Variants in CSMD1 observed in about 807,000 individuals in gnomAD.
The protein encoded by CSMD1 is CUB and sushi domain-containing protein 1.
In CSMD1, 213 loss-of-function variants were observed where a neutral mutation model predicts 417.5. The observed-to-expected ratio is 0.51, with a 90% confidence interval of 0.46 to 0.57. CSMD1 has a LOEUF of 0.57. CSMD1 is among the 20% of genes least tolerant of loss of function. CSMD1 has a pLI of 0.00. For synonymous variants in CSMD1, 2,862 were observed against 1,736.8 expected, an observed-to-expected ratio of 1.65 and a Z score of -16.11; for missense variants, 6,923 against 4,529.7, an observed-to-expected ratio of 1.53 and a Z score of -15.17.
intron 3 of CSMD1, among the ~76,000 whole-genome samples, chr8:4,047,753 G>A (rs1463053102): frequency 1.3e-5 from 2 of 151,574 alleles, no homozygotes; most frequent in African/African-American, 4.9e-5. Flanking sequence ...AAGAGAAAAT[G>A]GTATTTTTTT....
chr8:3,864,231 C>A (rs1804923341), intron 5 of CSMD1, among the ~76,000 whole-genome samples: 1 of 152,060 alleles, frequency 6.6e-6, no homozygotes, highest in Non-Finnish European at 1.5e-5. Context: ...TCATACAAAC[C>A]CATAGACTGT....
chr8:4,801,163 T>C (rs948589536), intron 1 of CSMD1, among the ~76,000 whole-genome samples: 2 of 152,268 alleles, frequency 1.3e-5, no homozygotes, highest in African/African-American at 4.8e-5. Flanking sequence ...ATCAATGTCT[T>C]ACTTCAGACT....
chr8:4,787,421 G>C (rs757377787), intron 1 of CSMD1: 2 of 752,732 alleles, frequency 2.7e-6, no homozygotes, highest in East Asian at 2.5e-5. Context: ...GCAGTCCAAG[G>C]ACAAGATTAC....
At chr8:4,416,049 A>G (rs532037638) in intron 3 of CSMD1, among the ~76,000 whole-genome samples, 1 of 152,340 alleles carries the variant, frequency 6.6e-6, no homozygotes, top group East Asian at 1.9e-4. Flanking sequence ...ATTTCCGTGA[A>G]GATTTCCTAA....
intron 36 of CSMD1, among the ~76,000 whole-genome samples, chr8:3,181,737 G>T (rs574587012): frequency 3.3e-5 from 5 of 152,222 alleles, no homozygotes; most frequent in South Asian, 4.1e-4. Context: ...AACTAAAGAT[G>T]CATGAAAAGG....
chr8:3,230,234 G>A lies in CSMD1; in HGVS notation c.4154-3C>T, dbSNP rs752948024. 7 of 1,564,716 alleles carry A rather than the reference G, an allele frequency of 4.5e-6. No individual in the cohort carries two copies. The highest frequency in any genetic ancestry group is 4.6e-5 in the East Asian group (2 of 43,710). On this transcript the variant is annotated splice_polypyrimidine_tract_variant and splice_region_variant and intron_variant, in intron 26 of 69. Transcript: ENST00000635120. ...GTTACAGGTGGCTGCAATTGAGGCT[G>A]CAAACAAAAGAGAAGGCAAGGTCAC... is the stretch of plus-strand genomic sequence containing the variant.
intron 1 of CSMD1, among the ~76,000 whole-genome samples, chr8:4,766,770 G>C (rs973088207): frequency 2.6e-5 from 4 of 152,150 alleles, no homozygotes; most frequent in African/African-American, 7.2e-5. Flanking sequence ...ATGAAGGTTT[G>C]TACGCACAAT....
At chr8:3,909,103 G>A (rs562905858) in intron 5 of CSMD1, among the ~76,000 whole-genome samples, 4 of 152,178 alleles carry the variant, frequency 2.6e-5, no homozygotes, top group African/African-American at 9.7e-5. Flanking sequence ...CACTGGGCTG[G>A]AGACAACTAA....
intron 25 of CSMD1, among the ~76,000 whole-genome samples, chr8:3,302,017 C>T (rs1454799125): frequency 6.6e-6 from 1 of 151,862 alleles, no homozygotes; most frequent in Non-Finnish European, 1.5e-5. Context: ...GTCCTATTTT[C>T]ATTGTTTTAG....
At chr8:3,392,993 A>T (rs2116838294) in intron 17 of CSMD1, among the ~76,000 whole-genome samples, 1 of 152,266 alleles carries the variant, frequency 6.6e-6, no homozygotes, top group African/African-American at 2.4e-5. Flanking sequence ...TCATTTTCTT[A>T]CAACAAGCAA....
chr8:2,989,941 C>A (rs1563211552), intron 54 of CSMD1, among the ~76,000 whole-genome samples: 1 of 152,134 alleles, frequency 6.6e-6, no homozygotes. Flanking sequence ...TGGTGTCTAG[C>A]ACATCATTTG....
At chr8:3,776,398 G>T (rs150494488) in intron 5 of CSMD1, among the ~76,000 whole-genome samples, 1 of 152,182 alleles carries the variant, frequency 6.6e-6, no homozygotes, top group Non-Finnish European at 1.5e-5. Context: ...AAGAGGCGCT[G>T]CAAGGGCTGA....
intron 6 of CSMD1, among the ~76,000 whole-genome samples, chr8:3,739,058 T>C (rs990215001): frequency 6.6e-6 from 1 of 152,244 alleles, no homozygotes; most frequent in African/African-American, 2.4e-5. Context: ...TGTTCTTACA[T>C]TTCACCTGAC....
chr8:4,443,347 C>T (rs1008401912), intron 2 of CSMD1, among the ~76,000 whole-genome samples: 2 of 152,198 alleles, frequency 1.3e-5, no homozygotes, highest in African/African-American at 4.8e-5. Flanking sequence ...AATATGCATA[C>T]ACACTGGTCT....
chr8:3,469,012 T>C (rs1264851794), intron 11 of CSMD1, 188 bp from the exon 12 acceptor site: 2 of 450,580 alleles, frequency 4.4e-6, no homozygotes, highest in Non-Finnish European at 7.9e-6. Flanking sequence ...ACTGGTGCTT[T>C]ACAGAAATTA....
chr8:4,176,933 G>A (rs567125488), intron 3 of CSMD1, among the ~76,000 whole-genome samples: 224 of 149,672 alleles, frequency 1.5e-3, no homozygotes, highest in Non-Finnish European at 2.7e-3. Flanking sequence ...CATAAAGCAA[G>A]TCCTCAGTGA....
intron 3 of CSMD1, among the ~76,000 whole-genome samples, chr8:4,194,310 A>C (rs1374321124): frequency 2.6e-5 from 4 of 152,154 alleles, no homozygotes; most frequent in Non-Finnish European, 5.9e-5. Context: ...AGTCATTCCT[A>C]TAGGATGGGA....
chr8:4,314,740 T>C, intron 3 of CSMD1, among the ~76,000 whole-genome samples: 1 of 152,236 alleles, frequency 6.6e-6, no homozygotes, highest in Admixed American at 6.5e-5. Flanking sequence ...TTTTCTCATT[T>C]ACACATCTGA....
At chr8:4,036,295 G>T (rs1453801060) in intron 3 of CSMD1, among the ~76,000 whole-genome samples, 1 of 151,918 alleles carries the variant, frequency 6.6e-6, no homozygotes, top group Non-Finnish European at 1.5e-5. Context: ...TTATGGTCAA[G>T]CCTCCCACTT....
Sources: gnomAD v4.1 joint callset for allele counts (sites outside exome capture counted in the v4.1 genomes callset) on GRCh38, gnomAD v4.1.1 for gene constraint, MANE v1.5 for transcripts, NCBI Gene and HGNC (gene_info 2026-07-23, HGNC 2026-07-21) for gene names.